Variants in DOK1 observed in about 807,000 individuals in gnomAD.
DOK1 encodes docking protein 1, also known as Downstream of tyrosine kinase 1.
DOK1 carries 12 observed loss-of-function variants against 24.0 expected under a neutral mutation model. The observed-to-expected ratio is 0.50, with a 90% confidence interval of 0.32 to 0.81. The LOEUF is 0.81. Ranked by LOEUF, DOK1 falls within the 30% of genes least tolerant of loss-of-function variation. The pLI, the probability that DOK1 is intolerant of heterozygous loss-of-function variation, is 0.03. For missense variants in DOK1, 591 were observed against 620.7 expected (o/e 0.95, Z 0.51); for synonymous variants, 250 against 260.9 (o/e 0.96, Z 0.40).
rs775711325 is a variant in DOK1 at position 74,555,865 on chromosome 2, G to A, written c.455-29G>A. On this transcript the variant is annotated intron_variant, in intron 3 of 4. Coordinates refer to ENST00000233668, the MANE Select transcript of DOK1 (RefSeq NM_001381.5). This position sits in a 1 kb window ranked among gnomAD's most constrained non-coding sequence, Gnocchi z 6.1. ...CCACTGCTGCCCCCGTCCCTCCCCC[G>A]CAGCTGTCTAATCGTGTATGCCTTC... 7.6e-6 allele frequency: 12 copies of A among 1,589,304 alleles called. No homozygotes were observed. Among genetic ancestry groups the A allele is most frequent in the Non-Finnish European group, 1.0e-5 (12 of 1,166,372 alleles).
In DOK1 at chr2:74,557,466, C is replaced by T. The variant is rs910098444; in HGVS notation, c.*352C>T. The stretch of plus-strand genomic sequence containing the variant: ...GCCTCAGGGAGATGTTGGACTGTGC[C>T]TGGATCCTTACTCCTGCATTGTTCT... On this transcript the variant is annotated 3_prime_UTR_variant, in exon 5 of 5. Coordinates refer to ENST00000233668, the MANE Select transcript of DOK1 (RefSeq NM_001381.5). The T allele has an allele frequency of 1.3e-5, 3 of 234,186 alleles. No individual in the cohort carries two copies. The highest frequency in any genetic ancestry group is 2.2e-5 in the African/African-American group (1 of 44,730). 14.5% of individuals were successfully genotyped at this position (234,186 alleles called of 1,614,324 possible). A position where few individuals can be genotyped will look rare whatever the true frequency, so the allele number is the denominator to read the frequency against.
chr2:74,557,357 CA>C lies in DOK1; in HGVS notation c.*246del, dbSNP rs1558638954. ...CAAAGCCATCCCTTCCCTACTTCCC[CA>C]AATGAAGGGACGGCTGTGGGACCAG... On this transcript the variant is annotated 3_prime_UTR_variant, in exon 5 of 5. Transcript: ENST00000233668. 2.1e-5 allele frequency: 10 copies of C among 468,662 alleles called. No individual in the cohort carries two copies. Among genetic ancestry groups the C allele is most frequent in the South Asian group, 1.8e-4 (5 of 28,092 alleles). 29.0% of individuals were successfully genotyped at this position (468,662 alleles called of 1,614,324 possible).
In DOK1 at chr2:74,554,864, G is replaced by C. The variant is rs200278469; in HGVS notation, c.60+50G>C. ...CCTTATCCGGGCTAGTAGTGGGTGA[G>C]AGAGCCCAGAAACAGGGAGAGGTGG... On this transcript the variant is annotated intron_variant, in intron 1 of 4. Transcript: ENST00000233668. The surrounding 1 kb of genome is among the most constrained non-coding windows in gnomAD (Gnocchi z 4.9). The C allele has an allele frequency of 4.4e-6, 7 of 1,608,298 alleles. No individual in the cohort carries two copies. Among genetic ancestry groups the C allele is most frequent in the East Asian group, 2.2e-5 (1 of 44,616 alleles).
At position 74,556,855 on chromosome 2, in the gene DOK1, A is replaced by G; in HGVS notation, c.1187A>G (p.Glu396Gly). ...TGGTGCCAAGCTCGGGTGAAGGAGG[A>G]GGGCTATGAGCTCCCCTACAACCCT... ...AWWCQARVKE[E>G]GYELPYNPAT... Residue 396 changes from glutamate (E) to glycine (G), a missense_variant, in exon 5 of 5, where the codon GAG becomes GGG. Coordinates refer to ENST00000233668, the MANE Select transcript of DOK1 (RefSeq NM_001381.5). The surrounding 1 kb of genome is among the most constrained non-coding windows in gnomAD (Gnocchi z 4.1). The G allele has an allele frequency of 6.2e-7, 1 of 1,614,076 alleles. No homozygotes were observed.
At position 74,555,315 on chromosome 2, in the gene DOK1, C is replaced by T. The variant is rs749728861; in HGVS notation, c.222C>T (p.Ala74=). The change falls in exon 2 of 5, where the codon GCC becomes GCT. Residue 74 remains alanine (A), a synonymous_variant. Coordinates refer to ENST00000233668, the MANE Select transcript of DOK1 (RefSeq NM_001381.5). The surrounding 1 kb of genome is among the most constrained non-coding windows in gnomAD (Gnocchi z 6.1). ...GTCTGGCTGAGTGTGTGAGTGTGGC[C>T]CCCGTCACCGTGGAGACCCCCCCTG... ...VIRLAECVSV[A]PVTVETPPEP... The T allele has an allele frequency of 1.9e-6, 3 of 1,613,912 alleles. No homozygotes were observed. In the African/African-American group the frequency reaches 4.0e-5, roughly 22 times the overall value.
chr2:74,554,836 G>T lies in DOK1; in HGVS notation c.60+22G>T. 4 of 1,613,502 alleles carry T rather than the reference G, an allele frequency of 2.5e-6. No homozygotes were observed. Among genetic ancestry groups the T allele is most frequent in the Non-Finnish European group, 2.5e-6 (3 of 1,179,746 alleles). ...CAAGGTAGTCTGGCGCATGGATGCC[G>T]AACCTTATCCGGGCTAGTAGTGGGT... On this transcript the variant is annotated intron_variant, in intron 1 of 4. Transcript: ENST00000233668. The surrounding 1 kb of genome is among the most constrained non-coding windows in gnomAD (Gnocchi z 4.9).
upstream of DOK1, chr2:74,552,988 A>C: frequency 3.9e-6 from 1 of 259,042 alleles, no homozygotes; most frequent in East Asian, 7.1e-5. Context: ...TGTGAGAGGA[A>C]GGGAGACTGT....
Position 74,554,857 on chromosome 2 carries a change from T to G in DOK1, c.60+43T>G, listed in dbSNP as rs1677300658. 1.9e-6 allele frequency: 3 copies of G among 1,610,692 alleles called. No individual in the cohort carries two copies. The highest frequency in any genetic ancestry group is 2.5e-6 in the Non-Finnish European group (3 of 1,178,488). The stretch of plus-strand genomic sequence containing the variant: ...TGCCGAACCTTATCCGGGCTAGTAG[T>G]GGGTGAGAGAGCCCAGAAACAGGGA... On this transcript the variant is annotated intron_variant, in intron 1 of 4. Coordinates refer to ENST00000233668, the MANE Select transcript of DOK1 (RefSeq NM_001381.5). The surrounding 1 kb of genome is among the most constrained non-coding windows in gnomAD (Gnocchi z 4.9).
upstream of DOK1, chr2:74,554,492 T>C: frequency 1.8e-6 from 1 of 549,236 alleles, no homozygotes; most frequent in South Asian, 2.2e-5. The surrounding 1 kb of genome is among the most constrained non-coding windows in gnomAD (Gnocchi z 4.9). Flanking sequence ...GCCAGGGCCC[T>C]CGCGCCAAAA....
rs751096939 is a variant in DOK1 at position 74,549,547 on chromosome 2, G to C, written c.-358+375G>C. 6.2e-7 allele frequency: 1 copy of C among 1,611,514 alleles called. No homozygotes were observed. Among genetic ancestry groups the C allele is most frequent in the East Asian group, 2.2e-5 (1 of 44,784 alleles). ...CGTCTGCCCCACCCAACGGCGGGTC[G>C]AATTCGCACCTCCTCCACTTGCAGG... On this transcript the variant is annotated intron_variant, in intron 1 of 4. Transcript: ENST00000409429. The surrounding 1 kb of genome is among the most constrained non-coding windows in gnomAD (Gnocchi z 5.3).
At chr2:74,552,839 A>G (rs1281293133), upstream of DOK1, 17 of 566,724 alleles carry the variant, frequency 3.0e-5, no homozygotes, top group Non-Finnish European at 4.7e-5. Flanking sequence ...GCTGAGGCAC[A>G]GGTCATAGAG....
chr2:74,552,362 G>A (rs768517801), upstream of DOK1: 2 of 1,610,626 alleles, frequency 1.2e-6, no homozygotes, highest in Non-Finnish European at 1.7e-6. Flanking sequence ...TCCAGCCTGT[G>A]GCCTCTGTGA....
chr2:74,549,734 A>C (rs1676873743), upstream of DOK1: 1 of 1,442,524 alleles, frequency 6.9e-7, no homozygotes, highest in African/African-American at 1.4e-5. The surrounding 1 kb of genome is among the most constrained non-coding windows in gnomAD (Gnocchi z 5.3). Flanking sequence ...CGATGGCCGC[A>C]GTCCGCGGTG....
rs2104466494 is a variant in DOK1 at position 74,555,111 on chromosome 2, T to C, written c.61-43T>C. 3 of 1,571,694 alleles carry C rather than the reference T, an allele frequency of 1.9e-6. No individual in the cohort carries two copies. The highest frequency in any genetic ancestry group is 2.3e-5 in the East Asian group (1 of 44,264). On this transcript the variant is annotated intron_variant, in intron 1 of 4. Coordinates refer to ENST00000233668, the MANE Select transcript of DOK1 (RefSeq NM_001381.5). This position sits in a 1 kb window ranked among gnomAD's most constrained non-coding sequence, Gnocchi z 6.1. ...CTTCCCCGTCGGGACCCGGGCCGCCTGCGCACGCCACTCCCTCTCGAGCAC... is the reference window on the plus strand; with the variant it reads ...CTTCCCCGTCGGGACCCGGGCCGCCCGCGCACGCCACTCCCTCTCGAGCAC...
chr2:74,551,229 C>G (rs561972092), upstream of DOK1, among the ~76,000 whole-genome samples: 1 of 152,370 alleles, frequency 6.6e-6, no homozygotes, highest in East Asian at 1.9e-4. Context: ...CCACTGAGCC[C>G]GGCCTGAACC....
chr2:74,556,980 G>A lies in DOK1; in HGVS notation c.1312G>A (p.Gly438Ser), dbSNP rs772593362. The A allele has an allele frequency of 6.2e-7, 1 of 1,614,088 alleles. No individual in the cohort carries two copies. Among genetic ancestry groups the A allele is most frequent in the Non-Finnish European group, 8.5e-7 (1 of 1,180,046 alleles). ...CTTCCCTGAACCTGGTACTGCAACT[G>A]GCAGTGGCATCAAAAGCCACAACTC... Reference protein sequence around the residue: ...PAFPEPGTATGSGIKSHNSAL... With the variant: ...PAFPEPGTATSSGIKSHNSAL... The change falls in exon 5 of 5, where the codon GGC (glycine) becomes AGC (serine). Residue 438 changes from glycine to serine, a missense_variant. By Grantham distance (56) the Gly-to-Ser change is moderately conservative (BLOSUM62 0). Coordinates refer to ENST00000233668, the MANE Select transcript of DOK1 (RefSeq NM_001381.5). The surrounding 1 kb of genome is among the most constrained non-coding windows in gnomAD (Gnocchi z 4.1).
chr2:74,551,355 C>T (rs1482017949), upstream of DOK1, among the ~76,000 whole-genome samples: 5 of 152,242 alleles, frequency 3.3e-5, no homozygotes, highest in Admixed American at 2.0e-4. Flanking sequence ...CCAGTTGTTG[C>T]GGAGACACCT....
rs1676820764 is a variant in DOK1 at position 74,549,184 on chromosome 2, G to C, written c.-358+12G>C. On this transcript the variant is annotated intron_variant, in intron 1 of 4. Coordinates refer to the DOK1 transcript ENST00000409429. The surrounding 1 kb of genome is among the most constrained non-coding windows in gnomAD (Gnocchi z 5.3). ...GGTCCCCATTTCAGGTACTCCCTTG[G>C]GGCACCTTTCGTGGTCCCACAAGAT... The C allele has an allele frequency of 1.6e-6, 1 of 619,460 alleles. No homozygotes were observed. Among genetic ancestry groups the C allele is most frequent in the Non-Finnish European group, 2.6e-6 (1 of 382,268 alleles). The allele number at this position is 619,460 out of a possible 1,614,324, so 38.4% of individuals were successfully genotyped here.
At position 74,557,219 on chromosome 2, in the gene DOK1, A is replaced by G. The variant is rs192665109; in HGVS notation, c.*105A>G. On this transcript the variant is annotated 3_prime_UTR_variant, in exon 5 of 5. Coordinates refer to ENST00000233668, the MANE Select transcript of DOK1 (RefSeq NM_001381.5). ...CAGAAGCCAGAGGGTGGGAGGGGCC[A>G]TGCTGTGTGAGACCAGGGGACCAGA... The G allele has an allele frequency of 3.7e-4, 446 of 1,195,356 alleles. 2 individuals carry two copies. The African/African-American group carries it at 5.8e-3, about 16-fold the overall frequency. 74.0% of individuals were successfully genotyped at this position (1,195,356 alleles called of 1,614,324 possible).
Sources: gnomAD v4.1 joint callset for allele counts (sites outside exome capture counted in the v4.1 genomes callset) on GRCh38, gnomAD v4.1.1 for gene constraint, Gnocchi (gnomAD v3.1) non-coding constraint, MANE v1.5 for transcripts, NCBI Gene and HGNC (gene_info 2026-07-23, HGNC 2026-07-21) for gene names.